PCDH15: variants seen among roughly 807,000 people sequenced by gnomAD.
The protein encoded by PCDH15 is protocadherin-15.
Under a neutral mutation model 178.5 loss-of-function variants are expected in PCDH15, and 129 were observed. The observed-to-expected ratio is 0.72, with a 90% CI of 0.63 to 0.84. The LOEUF is 0.84. PCDH15 is among the 40% of genes least tolerant of loss of function. The pLI is 0.00. For synonymous variants in PCDH15, 800 were observed against 732.0 expected (o/e 1.09, Z -1.50); for missense variants, 2,230 against 2,099.9 (o/e 1.06, Z -1.21).
At chr10:54,803,666 G>A (rs1952728199), upstream of PCDH15, among the ~76,000 whole-genome samples, 1 of 152,200 alleles carries the variant, frequency 6.6e-6, no homozygotes, top group Admixed American at 6.5e-5. Context: ...CATGAGAGAG[G>A]AAATGTAAAC....
intron 1 of PCDH15, among the ~76,000 whole-genome samples, chr10:54,707,886 A>T (rs2095382163): frequency 6.6e-6 from 1 of 152,200 alleles, no homozygotes; most frequent in Non-Finnish European, 1.5e-5. Flanking sequence ...AAAGGACATG[A>T]TATAAACTCA....
chr10:54,540,862 T>C (rs767238717), intron 2 of PCDH15, among the ~76,000 whole-genome samples: 1 of 152,060 alleles, frequency 6.6e-6, no homozygotes, highest in African/African-American at 2.4e-5. Flanking sequence ...ATATATGCAA[T>C]TCAATAAATG....
At chr10:55,370,833 C>CAAT (rs1354529335) in intron 2 of PCDH15, among the ~76,000 whole-genome samples, 25 of 152,254 alleles carry the variant, frequency 1.6e-4, no homozygotes, top group African/African-American at 6.0e-4. Flanking sequence ...TTGACTCACT[C>CAAT]TGCAGTAGCA....
intron 3 of PCDH15, among the ~76,000 whole-genome samples, chr10:54,813,912 T>C (rs761235549): frequency 4.6e-5 from 7 of 152,210 alleles, no homozygotes; most frequent in Non-Finnish European, 1.0e-4. Context: ...TCCACTCTCC[T>C]CTTGTCTACC....
intron 2 of PCDH15, among the ~76,000 whole-genome samples, chr10:54,653,362 T>TA (rs1310188704): frequency 6.6e-6 from 1 of 152,174 alleles, no homozygotes; most frequent in African/African-American, 2.4e-5. Flanking sequence ...AGCAAAGAGA[T>TA]ATTGAGTAAT....
intron 8 of PCDH15, among the ~76,000 whole-genome samples, chr10:54,252,356 G>A (rs1050248584): frequency 6.9e-4 from 105 of 152,160 alleles, no homozygotes; most frequent in African/African-American, 2.5e-3. Context: ...CCTACTTTAG[G>A]TTAAGAGATG....
chr10:55,292,451 G>T (rs554604182), intron 1 of PCDH15, among the ~76,000 whole-genome samples: 1 of 151,902 alleles, frequency 6.6e-6, no homozygotes, highest in Admixed American at 6.6e-5. Context: ...GCATGATCTC[G>T]GCTCACTGCT....
At chr10:54,289,667 G>A (rs757499614) in intron 8 of PCDH15, among the ~76,000 whole-genome samples, 40 of 152,272 alleles carry the variant, frequency 2.6e-4, no homozygotes, top group Admixed American at 2.0e-3. Flanking sequence ...TTAGACGAAT[G>A]CCTAACCAGA....
chr10:55,621,171 G>A (rs563437977), intron 2 of PCDH15, among the ~76,000 whole-genome samples: 57 of 152,144 alleles, frequency 3.7e-4, no homozygotes, highest in African/African-American at 1.2e-3. Flanking sequence ...ATAATAATAT[G>A]AATAGAATTT....
At chr10:54,603,911 C>T (rs1356173122) in intron 2 of PCDH15, among the ~76,000 whole-genome samples, 2 of 151,964 alleles carry the variant, frequency 1.3e-5, no homozygotes, top group East Asian at 1.9e-4. Flanking sequence ...ACAGATTGGG[C>T]CCAGTTGCTA....
chr10:55,108,709 A>T (rs900366137), intron 2 of PCDH15, among the ~76,000 whole-genome samples: 6 of 124,274 alleles, frequency 4.8e-5, no homozygotes, highest in African/African-American at 2.0e-4. Context: ...GTTTCCAAAT[A>T]AAAAAAAAAA....
At chr10:54,752,514 AAAC>A (rs1359741971) in intron 1 of PCDH15, among the ~76,000 whole-genome samples, 6 of 78,646 alleles carry the variant, frequency 7.6e-5, no homozygotes, top group Non-Finnish European at 1.6e-4. Flanking sequence ...AACAAAAAAC[AAAC>A]AAACAAACAA....
At chr10:55,130,700 T>C (rs1838018932) in intron 2 of PCDH15, among the ~76,000 whole-genome samples, 1 of 150,924 alleles carries the variant, frequency 6.6e-6, no homozygotes. Flanking sequence ...TGTGTGTGTG[T>C]GTGTGTGTGT....
chr10:54,718,752 T>C (rs1459882536), intron 1 of PCDH15, among the ~76,000 whole-genome samples: 1 of 142,984 alleles, frequency 7.0e-6, no homozygotes, highest in Non-Finnish European at 1.5e-5. Context: ...AATGCAGTGG[T>C]ACAATCTCGG....
rs1316351856 is a variant in PCDH15 at position 54,180,251 on chromosome 10, CAT to C, written c.1590+3191_1590+3192del. Among the ~76,000 whole-genome samples the C allele has an allele frequency of 2.0e-5, 3 of 152,098 alleles. No individual in the cohort carries two copies. The East Asian group carries it at 5.8e-4, about 29-fold the overall frequency. ...TTTTGAAAAAATCAAGTGTAAGAGA[CAT>C]ATATAAAGTCAGAAGCTCAATTTAT... On this transcript the variant is annotated intron_variant, in intron 13 of 37. Coordinates refer to ENST00000644397, the MANE Select transcript of PCDH15 (RefSeq NM_001384140.1).
At chr10:55,560,758 A>C (rs572111667) in intron 2 of PCDH15, among the ~76,000 whole-genome samples, 3 of 152,006 alleles carry the variant, frequency 2.0e-5, no homozygotes, top group African/African-American at 7.2e-5. Flanking sequence ...ACATATCTGC[A>C]AGCTGTATTC....
At chr10:54,716,401 G>A (rs140320258) in intron 1 of PCDH15, among the ~76,000 whole-genome samples, 6,880 of 152,242 alleles carry the variant, frequency 0.045, 217 homozygotes, top group Non-Finnish European at 0.072. Context: ...AGCATGGAAT[G>A]TTCTTCCATT....
chr10:54,417,509 A>C (rs1275308723), intron 3 of PCDH15, among the ~76,000 whole-genome samples: 4 of 152,146 alleles, frequency 2.6e-5, no homozygotes, highest in African/African-American at 9.7e-5. Context: ...GTGACAGAAT[A>C]ATAATAATTT....
At chr10:54,177,493 T>C (rs968046241) in intron 13 of PCDH15, among the ~76,000 whole-genome samples, 1 of 152,012 alleles carries the variant, frequency 6.6e-6, no homozygotes, top group African/African-American at 2.4e-5. Flanking sequence ...TATGGGGTGT[T>C]AATATTGGGG....
Sources: gnomAD v4.1 joint callset for allele counts (sites outside exome capture counted in the v4.1 genomes callset) on GRCh38, gnomAD v4.1.1 for gene constraint, MANE v1.5 for transcripts, NCBI Gene and HGNC (gene_info 2026-07-23, HGNC 2026-07-21) for gene names.